Variants in PAK3 observed in about 807,000 individuals in gnomAD.
PAK3 encodes the protein serine/threonine-protein kinase PAK 3.
PAK3 carries 4 observed loss-of-function variants against 41.0 expected under a neutral mutation model. The ratio of observed to expected loss-of-function variants is 0.10; its 90% CI spans 0.05 to 0.22. PAK3 has a LOEUF of 0.22. Among genes scored for constraint, PAK3 ranks in the 10% least tolerant of loss-of-function variants. The pLI, the probability that PAK3 is intolerant of heterozygous loss-of-function variation, is 1.00. For synonymous variants in PAK3, 146 were observed against 139.6 expected, an observed-to-expected ratio of 1.05 and a Z score of -0.32; for missense variants, 205 against 409.9, an observed-to-expected ratio of 0.50 and a Z score of 4.32.
chrX:110,962,224 G>A (rs1172414481), intron 1 of PAK3, among the ~76,000 whole-genome samples: 1 of 112,107 alleles, frequency 8.9e-6, no homozygotes, highest in Non-Finnish European at 1.9e-5. Flanking sequence ...CCTCAAAGCA[G>A]TGTGTCCCAA....
At chrX:111,178,428 C>T (rs1443417995) in intron 11 of PAK3, among the ~76,000 whole-genome samples, 1 of 111,522 alleles carries the variant, frequency 9.0e-6, no homozygotes, top group African/African-American at 3.3e-5. Context: ...GGATTCTGAA[C>T]TCAGGGCTGT....
intron 1 of PAK3, among the ~76,000 whole-genome samples, chrX:111,005,021 C>G (rs1171924206): frequency 8.9e-6 from 1 of 112,001 alleles, no homozygotes; most frequent in Non-Finnish European, 1.9e-5. Context: ...CTAGTTCTCT[C>G]GAATATTAAA....
chrX:111,181,378 C>A (rs2094459767), intron 11 of PAK3, among the ~76,000 whole-genome samples: 1 of 111,353 alleles, frequency 9.0e-6, no homozygotes, highest in African/African-American at 3.3e-5. Context: ...ACATCTGGAT[C>A]TTTGTCAATC....
At chrX:111,183,318 T>G (rs1225223735) in intron 11 of PAK3, among the ~76,000 whole-genome samples, 1 of 111,761 alleles carries the variant, frequency 8.9e-6, no homozygotes, top group Non-Finnish European at 1.9e-5. Flanking sequence ...ATAGCCTTTT[T>G]ATAGCAGCAG....
intron 1 of PAK3, among the ~76,000 whole-genome samples, chrX:110,955,202 ATCCT>A (rs2090830190): frequency 8.9e-6 from 1 of 112,206 alleles, no homozygotes; most frequent in Non-Finnish European, 1.9e-5. Context: ...GACCAAATCC[ATCCT>A]TAAACCCTAA....
rs200248663 is a variant in PAK3, at chrX:111,161,426, T to C, written c.469-1489T>C. On this transcript the variant is annotated intron_variant, in intron 8 of 17. Transcript: ENST00000372007. ...TCCCATTCTGTAGGTTGCCTGTTCATTCTGATGGTGGTTTCTTTTGCTGTG... is the reference window on the plus strand; with the variant it reads ...TCCCATTCTGTAGGTTGCCTGTTCACTCTGATGGTGGTTTCTTTTGCTGTG... Among the ~76,000 whole-genome samples, 652 of 111,082 alleles carry C rather than the reference T, an allele frequency of 5.9e-3. 17 individuals carry two copies. Among genetic ancestry groups the C allele is most frequent in the Admixed American group, 0.043 (446 of 10,413 alleles).
chrX:111,102,673 C>T (rs1196926043), intron 3 of PAK3, among the ~76,000 whole-genome samples: 2 of 112,292 alleles, frequency 1.8e-5, no homozygotes, highest in African/African-American at 6.5e-5. Context: ...TTCCTTTTGT[C>T]CACTGGACTC....
chrX:111,072,422 C>T (rs949704015), intron 1 of PAK3, among the ~76,000 whole-genome samples: 1 of 112,734 alleles, frequency 8.9e-6, no homozygotes, highest in Non-Finnish European at 1.9e-5. Context: ...CAATTCACAA[C>T]AAGTTTTGTC....
chrX:111,106,594 C>T (rs2093271316), intron 4 of PAK3, among the ~76,000 whole-genome samples: 1 of 111,177 alleles, frequency 9.0e-6, no homozygotes, highest in African/African-American at 3.3e-5. Flanking sequence ...TAGTGACCCA[C>T]ACTCTCACTC....
At chrX:110,987,168 T>C (rs931417499) in intron 1 of PAK3, among the ~76,000 whole-genome samples, 2 of 112,131 alleles carry the variant, frequency 1.8e-5, no homozygotes, top group Non-Finnish European at 3.8e-5. Flanking sequence ...ATTTAACCTC[T>C]GTGGGAGGGA....
intron 5 of PAK3, among the ~76,000 whole-genome samples, chrX:111,140,859 T>C (rs943258061): frequency 1.8e-5 from 2 of 111,803 alleles, no homozygotes; most frequent in Non-Finnish European, 1.9e-5. Context: ...GCCATAAGAA[T>C]AGCCTTTGAA....
chrX:111,072,970 T>C (rs1399860354), intron 1 of PAK3, among the ~76,000 whole-genome samples: 2 of 111,833 alleles, frequency 1.8e-5, no homozygotes, highest in African/African-American at 6.5e-5. Context: ...GTAGACCCAT[T>C]GTTGGTTTCA....
chrX:111,055,763 A>G (rs754951205), intron 1 of PAK3, among the ~76,000 whole-genome samples: 1 of 111,695 alleles, frequency 9.0e-6, no homozygotes, highest in Non-Finnish European at 1.9e-5. Flanking sequence ...AACCCTAACT[A>G]GGCCAGGGAG....
chrX:111,194,451 C>A (rs200662776), intron 14 of PAK3, 33 bp downstream of exon 14: 1 of 748,153 alleles, frequency 1.3e-6, no homozygotes, highest in African/African-American at 2.0e-5. Context: ...GCTGAGAAGA[C>A]CACCGAAATT....
intron 16 of PAK3, among the ~76,000 whole-genome samples, chrX:111,204,842 T>A (rs2149358473): frequency 9.2e-6 from 1 of 108,970 alleles, no homozygotes; most frequent in African/African-American, 3.3e-5. Flanking sequence ...TTTCTTTTCT[T>A]TTGCTTTATT....
chrX:111,030,382 G>A (rs748241327), intron 1 of PAK3, among the ~76,000 whole-genome samples: 1 of 111,277 alleles, frequency 9.0e-6, no homozygotes, highest in East Asian at 2.8e-4. Flanking sequence ...GAAAGCTTAA[G>A]AGAAGGGCTG....
At chrX:110,988,311 A>G (rs778270276) in intron 1 of PAK3, among the ~76,000 whole-genome samples, 3 of 112,209 alleles carry the variant, frequency 2.7e-5, no homozygotes, top group Non-Finnish European at 5.6e-5. Flanking sequence ...CAGAAAATCA[A>G]TTTAGTGGAT....
chrX:111,142,289 A>C (rs2093883302), intron 6 of PAK3, 93 bp downstream of exon 6: 1 of 587,561 alleles, frequency 1.7e-6, no homozygotes, highest in African/African-American at 2.2e-5. Context: ...CCAAAATGTC[A>C]GACTTAATAT....
At chrX:111,077,695 C>T (rs1487358715) in intron 1 of PAK3, among the ~76,000 whole-genome samples, 1 of 111,684 alleles carries the variant, frequency 9.0e-6, no homozygotes, top group African/African-American at 3.3e-5. Context: ...ATACTTGAAA[C>T]TGTAAAACTA....
Sources: allele counts gnomAD v4.1 joint callset (sites outside exome capture counted in the v4.1 genomes callset), GRCh38; gene constraint gnomAD v4.1.1; transcripts MANE v1.5; gene names NCBI Gene and HGNC (gene_info 2026-07-23, HGNC 2026-07-21).